The following COL13A1 variants were observed in gnomAD, a reference collection of about 807,000 sequenced individuals.
The protein encoded by COL13A1 is collagen alpha-1(XIII) chain.
Under a neutral mutation model 130.9 loss-of-function variants are expected in COL13A1, and 89 were observed. The ratio of observed to expected loss-of-function variants is 0.68; its 90% CI spans 0.57 to 0.81. The LOEUF (loss-of-function observed/expected upper bound fraction) is 0.81, where lower values mean the gene tolerates loss of function less well. Ranked by LOEUF, COL13A1 falls within the 30% of genes least tolerant of loss-of-function variation. COL13A1 has a pLI of 0.00. For synonymous variants in COL13A1, 402 were observed against 341.6 expected (o/e 1.18, Z -1.95); for missense variants, 879 against 934.6 (o/e 0.94, Z 0.78).
chr10:69,807,192 A>G (rs1841822416), intron 1 of COL13A1, among the ~76,000 whole-genome samples: 1 of 152,148 alleles, frequency 6.6e-6, no homozygotes, highest in Non-Finnish European at 1.5e-5. Flanking sequence ...ACAGGGGCCA[A>G]TGCTATGCGT....
At chr10:69,897,661 A>G in intron 13 of COL13A1, 1 of 1,036,130 alleles carries the variant, frequency 9.7e-7, no homozygotes, top group Admixed American at 2.2e-5. Flanking sequence ...CTGCTGTCCA[A>G]GAAGGCAGCA....
At chr10:69,954,649 G>A (rs767883397) in intron 39 of COL13A1, among the ~76,000 whole-genome samples, 9 of 152,186 alleles carry the variant, frequency 5.9e-5, no homozygotes, top group East Asian at 1.9e-4. Flanking sequence ...ATCGTGGGTC[G>A]CTGCCCAGGT....
chr10:69,902,996 G>A, intron 15 of COL13A1, 141 bp downstream of exon 15: 1 of 603,650 alleles, frequency 1.7e-6, no homozygotes, highest in Non-Finnish European at 2.7e-6. Context: ...ACCATGCAAG[G>A]GGCTATTCAT....
intron 2 of COL13A1, among the ~76,000 whole-genome samples, chr10:69,831,536 T>C (rs1346418302): frequency 6.6e-6 from 1 of 152,194 alleles, no homozygotes; most frequent in East Asian, 1.9e-4. Context: ...TGCAAGCTTC[T>C]CAAGCTTCTG....
intron 17 of COL13A1, among the ~76,000 whole-genome samples, chr10:69,910,872 T>G (rs2063297593): frequency 6.6e-6 from 1 of 151,488 alleles, no homozygotes; most frequent in African/African-American, 2.4e-5. Flanking sequence ...CTGTCTCACT[T>G]TGGGGGCGCA....
intron 2 of COL13A1, among the ~76,000 whole-genome samples, chr10:69,854,784 C>G (rs1855935777): frequency 6.6e-6 from 1 of 152,036 alleles, no homozygotes; most frequent in Admixed American, 6.6e-5. Flanking sequence ...TGCCATGGGT[C>G]CTAGATAGAG....
intron 1 of COL13A1, among the ~76,000 whole-genome samples, chr10:69,804,809 C>CAAAAAAAAAAAAA (rs57098368): frequency 4.6e-4 from 35 of 75,388 alleles, no homozygotes; most frequent in Admixed American, 7.3e-4. Context: ...ATGTCGTGTG[C>CAAAAAAAAAAAAA]AAAAAAAAAA....
intron 2 of COL13A1, among the ~76,000 whole-genome samples, chr10:69,860,883 C>T (rs1857861700): frequency 6.6e-6 from 1 of 152,230 alleles, no homozygotes; most frequent in African/African-American, 2.4e-5. Context: ...AGGCCCCAGG[C>T]ATATACCCTT....
intron 2 of COL13A1, chr10:69,860,730 A>AT: frequency 3.6e-6 from 1 of 274,356 alleles, no homozygotes; most frequent in South Asian, 3.3e-5. Flanking sequence ...TTCTGCGGCC[A>AT]TTTTCCTGAG....
intron 17 of COL13A1, among the ~76,000 whole-genome samples, chr10:69,906,556 T>A (rs922204657): frequency 1.3e-5 from 2 of 152,088 alleles, no homozygotes; most frequent in Non-Finnish European, 2.9e-5. Context: ...CAGGTCCCAG[T>A]GCATAAAGAC....
chr10:69,875,729 G>T (rs559611118), intron 5 of COL13A1, among the ~76,000 whole-genome samples: 2 of 152,386 alleles, frequency 1.3e-5, no homozygotes, highest in South Asian at 4.1e-4. Flanking sequence ...AGATGAGAAC[G>T]TTTGATGGAG....
At chr10:69,853,284 C>G (rs1385364077) in intron 2 of COL13A1, among the ~76,000 whole-genome samples, 4 of 152,172 alleles carry the variant, frequency 2.6e-5, no homozygotes, top group African/African-American at 9.6e-5. Flanking sequence ...TCCCATCCCC[C>G]ACCTGGCACC....
chr10:69,830,740 C>T (rs952727753), intron 2 of COL13A1, among the ~76,000 whole-genome samples: 58 of 152,154 alleles, frequency 3.8e-4, no homozygotes, highest in African/African-American at 1.1e-3. Context: ...AACTTTATTG[C>T]GATGTAATTC....
At chr10:69,816,940 G>A (rs141451382) in intron 1 of COL13A1, among the ~76,000 whole-genome samples, 121 of 152,244 alleles carry the variant, frequency 7.9e-4, no homozygotes, top group Middle Eastern at 3.4e-3. Context: ...GTCAAAAGAG[G>A]ATTATTCTCT....
rs2064842488 is a variant in COL13A1, at chr10:69,922,724, C to G, written c.1160C>G (p.Ala387Gly). The change falls in exon 23 of 41, where the codon GCT (alanine) becomes GGT (glycine). Residue 387 changes from alanine to glycine, a missense_variant. Coordinates refer to ENST00000645393, the MANE Select transcript of COL13A1 (RefSeq NM_001368882.1). ...CACCCCCAGGGAGAGAAAGGCGATG[C>G]TGGCAACTCCATTGGAGGAGGCAGA... The part of the protein sequence containing the change: ...LLGQKGEKGD[A>G]GNSIGGGRGE... 3 of 1,606,734 alleles carry G rather than the reference C, an allele frequency of 1.9e-6. No individual in the cohort carries two copies. Among genetic ancestry groups the G allele is most frequent in the Non-Finnish European group, 2.5e-6 (3 of 1,177,080 alleles).
In COL13A1 at chr10:69,932,578, G is replaced by A. The variant is rs777935417; in HGVS notation, c.1702G>A (p.Gly568Arg). The A allele has an allele frequency of 4.3e-5, 69 of 1,611,244 alleles. No homozygotes were observed. The highest frequency in any genetic ancestry group is 1.6e-4 in the Middle Eastern group (1 of 6,070). ...AGSPGEKGEA[G>R]EKGNPGAEVP... is the part of the protein sequence containing the mutation. ...CCCACAGGGAGAGAAAGGAGAAGCC[G>A]GGGAGAAGGGCAATCCAGGAGCAGA... The change falls in exon 31 of 41, where the codon GGG (glycine) becomes AGG (arginine). Residue 568 changes from glycine to arginine, a missense_variant. This residue lies in a region of COL13A1 where 96 missense variants were observed against 147.7 expected (regional missense o/e 0.65). Transcript: ENST00000645393.
rs774601864 is a variant in COL13A1 at position 69,880,491 on chromosome 10, C to A, written c.463-12C>A. On this transcript the variant is annotated splice_polypyrimidine_tract_variant and intron_variant, in intron 6 of 40. Transcript: ENST00000645393. ...CCCCTCGCTCCCTCTCCCCCTTCCT[C>A]TCTCCCCGCAGGGGTCCCCCGGAGA... 4 of 1,575,388 alleles carry A rather than the reference C, an allele frequency of 2.5e-6. No homozygotes were observed. The South Asian group carries it at 4.4e-5, about 17-fold the overall frequency.
chr10:69,844,182 G>A (rs1382374924), intron 2 of COL13A1, among the ~76,000 whole-genome samples: 3 of 152,224 alleles, frequency 2.0e-5, no homozygotes, highest in African/African-American at 4.8e-5. Context: ...AAAGGGAACA[G>A]CATGGGCTGT....
intron 24 of COL13A1, among the ~76,000 whole-genome samples, 169 bp downstream of exon 24, chr10:69,924,024 G>A (rs749807474): frequency 7.9e-5 from 12 of 152,226 alleles, no homozygotes; most frequent in Admixed American, 3.9e-4. Context: ...CATGCACTGA[G>A]ACAGCAGTCA....
Sources: allele counts gnomAD v4.1 joint callset (sites outside exome capture counted in the v4.1 genomes callset), GRCh38; gene constraint gnomAD v4.1.1; regional missense constraint gnomAD v4.1.1; transcripts MANE v1.5; gene names NCBI Gene and HGNC (gene_info 2026-07-23, HGNC 2026-07-21).